Variants in NRXN1 observed in about 807,000 individuals in gnomAD.
NRXN1 encodes the protein neurexin 1.
Under a neutral mutation model 150.9 loss-of-function variants are expected in NRXN1, and 39 were observed. That is an observed-to-expected ratio of 0.26 (90% confidence interval 0.20 to 0.34). The LOEUF is 0.34. Among genes scored for constraint, NRXN1 ranks in the 10% least tolerant of loss-of-function variants. The pLI, the probability that NRXN1 is intolerant of heterozygous loss-of-function variation, is 1.00. For synonymous variants in NRXN1, 924 were observed against 757.0 expected, an observed-to-expected ratio of 1.22 and a Z score of -3.62; for missense variants, 1,815 against 1,949.9, an observed-to-expected ratio of 0.93 and a Z score of 1.30.
intron 5 of NRXN1, among the ~76,000 whole-genome samples, chr2:50,805,721 A>G (rs9284756): frequency 0.97 from 146,993 of 152,284 alleles, 71,015 homozygotes; most frequent in Middle Eastern, 0.99. Flanking sequence ...TGTTCGATGC[A>G]TTATTAAAAA....
At chr2:50,553,049 G>A (rs1314457530) in intron 8 of NRXN1, 24 bp from the exon 9 acceptor site, 1 of 1,496,554 alleles carries the variant, frequency 6.7e-7, no homozygotes, top group Non-Finnish European at 9.1e-7. Flanking sequence ...ATAGCAGTGA[G>A]AAACTAGCCT....
At chr2:50,573,962 AG>A (rs1671033110) in intron 8 of NRXN1, among the ~76,000 whole-genome samples, 1 of 152,062 alleles carries the variant, frequency 6.6e-6, no homozygotes, top group Non-Finnish European at 1.5e-5. Flanking sequence ...GTGGATGAGG[AG>A]GGGTCATGGA....
intron 17 of NRXN1, among the ~76,000 whole-genome samples, chr2:50,287,808 CATTT>C (rs1428798221): frequency 6.6e-6 from 1 of 152,020 alleles, no homozygotes; most frequent in Non-Finnish European, 1.5e-5. Context: ...ACGCTTAATT[CATTT>C]AAGAGGTGAT....
At chr2:50,702,093 G>A (rs975567643) in intron 5 of NRXN1, among the ~76,000 whole-genome samples, 10 of 151,972 alleles carry the variant, frequency 6.6e-5, no homozygotes, top group African/African-American at 2.4e-4. Flanking sequence ...AGACCTACAG[G>A]TATTCGAAGG....
chr2:50,432,444 A>G (rs2085051270), intron 17 of NRXN1: 1 of 152,058 alleles, frequency 6.6e-6, no homozygotes, highest in South Asian at 2.1e-4. Context: ...TGATCTTGCC[A>G]CTCCTCTAGT....
chr2:50,329,576 G>C (rs1344376918), intron 17 of NRXN1, among the ~76,000 whole-genome samples: 2 of 64,984 alleles, frequency 3.1e-5, no homozygotes, highest in African/African-American at 7.3e-5. Context: ...ATATATAACA[G>C]TAGTGTGTGT....
chr2:50,180,487 G>A (rs556471274), intron 18 of NRXN1, among the ~76,000 whole-genome samples: 21 of 152,206 alleles, frequency 1.4e-4, no homozygotes, highest in Admixed American at 2.6e-4. Context: ...AACAGTGTTG[G>A]GAGATGGTGT....
intron 20 of NRXN1, 66 bp from the exon 21 acceptor site, chr2:50,053,656 TA>T: frequency 2.0e-6 from 3 of 1,504,836 alleles, no homozygotes; most frequent in Non-Finnish European, 1.8e-6. Context: ...CAATGGATGA[TA>T]AAACAGATCT....
intron 5 of NRXN1, among the ~76,000 whole-genome samples, chr2:50,711,552 T>C (rs528237377): frequency 1.2e-3 from 188 of 152,006 alleles, no homozygotes; most frequent in African/African-American, 4.3e-3. Flanking sequence ...GTCAGGGTGG[T>C]CTTGAACTCC....
At chr2:50,869,255 A>C (rs1677410153) in intron 5 of NRXN1, among the ~76,000 whole-genome samples, 1 of 151,792 alleles carries the variant, frequency 6.6e-6, no homozygotes, top group African/African-American at 2.4e-5. Flanking sequence ...AATTCATTGG[A>C]ATTCTCTTAT....
At chr2:50,665,202 T>C (rs1349706399) in intron 5 of NRXN1, among the ~76,000 whole-genome samples, 1 of 151,960 alleles carries the variant, frequency 6.6e-6, no homozygotes, top group African/African-American at 2.4e-5. Flanking sequence ...CTAGATTTAA[T>C]AGATCTACTA....
At chr2:51,023,656 G>C (rs1669975909) in intron 2 of NRXN1, among the ~76,000 whole-genome samples, 1 of 152,084 alleles carries the variant, frequency 6.6e-6, no homozygotes, top group Admixed American at 6.5e-5. Context: ...CTTCTCACTA[G>C]AATATGAGGT....
intron 18 of NRXN1, among the ~76,000 whole-genome samples, chr2:50,208,411 A>C (rs1389435557): frequency 6.6e-6 from 1 of 152,120 alleles, no homozygotes; most frequent in Admixed American, 6.6e-5. Context: ...AATGAAGGAA[A>C]TACAGTTCCG....
At chr2:50,081,070 AT>A (rs1697889791) in intron 19 of NRXN1, among the ~76,000 whole-genome samples, 1 of 152,194 alleles carries the variant, frequency 6.6e-6, no homozygotes, top group Admixed American at 6.5e-5. Flanking sequence ...TAAAGATAGA[AT>A]GTTCTACTTT....
intron 5 of NRXN1, among the ~76,000 whole-genome samples, chr2:50,735,343 A>T (rs941208296): frequency 3.9e-5 from 6 of 152,162 alleles, no homozygotes; most frequent in Non-Finnish European, 7.4e-5. Flanking sequence ...CACAAATAGC[A>T]AATAAAAAAT....
intron 18 of NRXN1, among the ~76,000 whole-genome samples, chr2:50,191,205 G>C (rs3845241): frequency 7.6e-6 from 1 of 131,596 alleles, no homozygotes; most frequent in African/African-American, 2.9e-5. Flanking sequence ...ATTGTTTTTT[G>C]TTTTTTTTTT....
chr2:50,738,785 G>A (rs2105256062), intron 5 of NRXN1, among the ~76,000 whole-genome samples: 1 of 152,230 alleles, frequency 6.6e-6, no homozygotes, highest in Middle Eastern at 3.4e-3. Flanking sequence ...TCCTGTACCT[G>A]GGAAGACAAA....
At chr2:50,154,141 G>A (rs539911314) in intron 18 of NRXN1, among the ~76,000 whole-genome samples, 3 of 151,672 alleles carry the variant, frequency 2.0e-5, no homozygotes, top group South Asian at 2.1e-4. Flanking sequence ...GATTCCTGGT[G>A]CTTCCTTTTT....
intron 2 of NRXN1, among the ~76,000 whole-genome samples, chr2:50,969,807 A>G (rs1317392650): frequency 6.6e-6 from 1 of 152,178 alleles, no homozygotes; most frequent in African/African-American, 2.4e-5. Context: ...CAAATTGCAA[A>G]GTTGATTAAT....
Sources: gnomAD v4.1 joint callset for allele counts (sites outside exome capture counted in the v4.1 genomes callset) on GRCh38, gnomAD v4.1.1 for gene constraint, MANE v1.5 for transcripts, NCBI Gene and HGNC (gene_info 2026-07-23, HGNC 2026-07-21) for gene names.